The following UPK1B variants were observed in gnomAD, a reference collection of about 807,000 sequenced individuals.
UPK1B encodes uroplakin 1B.
A neutral mutation model predicts 34.2 loss-of-function variants in UPK1B; 28 were observed. The ratio of observed to expected loss-of-function variants is 0.82; its 90% CI spans 0.61 to 1.12. UPK1B has a LOEUF of 1.12. Ranked by LOEUF, UPK1B falls within the 50% of genes most tolerant of loss-of-function variation. UPK1B has a pLI of 0.00. For synonymous variants in UPK1B, 81 were observed against 110.4 expected, an observed-to-expected ratio of 0.73 and a Z score of 1.67; for missense variants, 325 against 320.9, an observed-to-expected ratio of 1.01 and a Z score of -0.10.
intron 5 of UPK1B, among the ~76,000 whole-genome samples, chr3:119,191,964 A>T (rs182702144): frequency 2.8e-4 from 43 of 152,194 alleles, no homozygotes; most frequent in Admixed American, 1.4e-3. Context: ...CATACTCCTG[A>T]TATCCCACCT....
In UPK1B at chr3:119,204,362, T is replaced by C. The variant is rs1196310706; in HGVS notation, c.*395T>C. 6 of 177,582 alleles carry C rather than the reference T, an allele frequency of 3.4e-5. No homozygotes were observed. Among genetic ancestry groups the C allele is most frequent in the Non-Finnish European group, 2.4e-5 (2 of 83,730 alleles). The allele number at this position is 177,582 out of a possible 1,614,324, so 11.0% of individuals were successfully genotyped here. The stretch of plus-strand genomic sequence containing the variant: ...TTATCTAAAAGAAACCTTCCAATGC[T>C]TCTGTTGATCTCAGTATTGTCAGGG... On this transcript the variant is annotated 3_prime_UTR_variant, in exon 8 of 8. Transcript: ENST00000264234.
In UPK1B at chr3:119,186,701, A is replaced by G. The variant is rs370015133; in HGVS notation, c.-28-13A>G. On this transcript the variant is annotated splice_polypyrimidine_tract_variant and intron_variant, in intron 1 of 7. Coordinates refer to ENST00000264234, the MANE Select transcript of UPK1B (RefSeq NM_006952.4). Reference sequence around the variant, plus strand: ...CAGAAACTGTAGCAGTTATTTGGTAATGCTTTCAACAGTGCCTTCAGCTTG... The same window carrying G: ...CAGAAACTGTAGCAGTTATTTGGTAGTGCTTTCAACAGTGCCTTCAGCTTG... 1.3e-3 allele frequency: 2,016 copies of G among 1,604,798 alleles called. 4 individuals are homozygous for G. Among genetic ancestry groups the G allele is most frequent in the Non-Finnish European group, 1.7e-3 (1,947 of 1,173,506 alleles).
chr3:119,196,754 G>A (rs1448902740), intron 6 of UPK1B, among the ~76,000 whole-genome samples: 1 of 151,878 alleles, frequency 6.6e-6, no homozygotes, highest in Non-Finnish European at 1.5e-5. Context: ...TGGCCAGGAT[G>A]GTCTCGATCT....
At chr3:119,182,251 G>T (rs2077992990) in intron 1 of UPK1B, among the ~76,000 whole-genome samples, 1 of 152,188 alleles carries the variant, frequency 6.6e-6, no homozygotes, top group African/African-American at 2.4e-5. Context: ...AGCAGCCCCT[G>T]TGCAGTGAAC....
At chr3:119,182,664 C>T (rs566701037) in intron 1 of UPK1B, among the ~76,000 whole-genome samples, 62 of 152,334 alleles carry the variant, frequency 4.1e-4, no homozygotes, top group African/African-American at 1.4e-3. Flanking sequence ...CACCATTATA[C>T]TACAGATATT....
rs368682621 is a variant in UPK1B, at chr3:119,199,100, G to C, written c.692G>C (p.Trp231Ser). Residue 231 changes from tryptophan (W) to serine (S), a missense_variant, in exon 7 of 8, where the codon TGG (tryptophan) becomes TCG (serine). Coordinates refer to ENST00000264234, the MANE Select transcript of UPK1B (RefSeq NM_006952.4). The part of the protein sequence containing the change: ...LISGPMNRHA[W>S]GVAWFGFAIL... ...TCTGGTCCAATGAACCGACACGCCTGGGGGGTTGCCTGGTTTGGATTTGCC... is the reference window on the plus strand; with the variant it reads ...TCTGGTCCAATGAACCGACACGCCTCGGGGGTTGCCTGGTTTGGATTTGCC... 102 of 1,614,050 alleles carry C rather than the reference G, an allele frequency of 6.3e-5. 1 individual carries two copies. Among genetic ancestry groups the C allele is most frequent in the Middle Eastern group, 4.9e-4 (3 of 6,062 alleles).
intron 1 of UPK1B, among the ~76,000 whole-genome samples, chr3:119,177,890 G>C (rs898646137): frequency 5.9e-5 from 9 of 152,208 alleles, no homozygotes; most frequent in African/African-American, 2.2e-4. Context: ...TCCCTGGAGA[G>C]CTATTTGCTA....
intron 7 of UPK1B, 51 bp from the exon 8 acceptor site, chr3:119,203,866 T>C (rs765834851): frequency 3.2e-6 from 5 of 1,570,906 alleles, no homozygotes; most frequent in Non-Finnish European, 2.6e-6. Context: ...AAGAATGAGA[T>C]GTTTCTAAAA....
At chr3:119,180,492 C>T (rs550753829) in intron 1 of UPK1B, among the ~76,000 whole-genome samples, 2 of 152,288 alleles carry the variant, frequency 1.3e-5, no homozygotes, top group South Asian at 4.1e-4. Flanking sequence ...CATTACAATA[C>T]TTCTTTATCA....
At chr3:119,180,296 CAA>C (rs1388045397) in intron 1 of UPK1B, among the ~76,000 whole-genome samples, 2 of 152,214 alleles carry the variant, frequency 1.3e-5, no homozygotes, top group African/African-American at 2.4e-5. Flanking sequence ...CTGCTTTACT[CAA>C]AGTCTACTGA....
At chr3:119,183,223 C>A (rs79993274) in intron 1 of UPK1B, among the ~76,000 whole-genome samples, 2,358 of 151,874 alleles carry the variant, frequency 0.016, 35 homozygotes, top group Middle Eastern at 0.045. Context: ...CACTTTCTAG[C>A]AATGTGGCCT....
Position 119,187,847 on chromosome 3 carries a change from G to A in UPK1B, c.142G>A (p.Glu48Lys), listed in dbSNP as rs763058460. 1 of 1,613,976 alleles carries A rather than the reference G, an allele frequency of 6.2e-7. No homozygotes were observed. Among genetic ancestry groups the A allele is most frequent in the Admixed American group, 1.7e-5 (1 of 59,980 alleles). The change falls in exon 3 of 8, where the codon GAA becomes AAA. Residue 48 changes from glutamate to lysine, a missense_variant. Physicochemically the swap from Glu to Lys is moderately conservative, Grantham distance 56. Transcript: ENST00000264234. ...CCAACACAGCCTCTACCCACTGCTT[G>A]AAGCCACCGACAACGATGACATCTA... is the stretch of plus-strand genomic sequence containing the variant. The part of the protein sequence containing the change: ...SDQHSLYPLL[E>K]ATDNDDIYGA...
chr3:119,187,835 T>C lies in UPK1B; in HGVS notation c.130T>C (p.Tyr44His), dbSNP rs775920749. The C allele has an allele frequency of 2.5e-6, 4 of 1,613,802 alleles. No homozygotes were observed. The African/African-American group carries it at 5.3e-5, about 22-fold the overall frequency. The change falls in exon 3 of 8, where the codon TAC (tyrosine) becomes CAC (histidine). Residue 44 changes from tyrosine (Y) to histidine (H), a missense_variant. Tyr to His is a moderately conservative substitution (Grantham distance 83). Transcript: ENST00000264234. ...IFFVSDQHSLYPLLEATDNDD... is the reference protein window; with the variant it reads ...IFFVSDQHSLHPLLEATDNDD... ...CTTTGTATCTGACCAACACAGCCTC[T>C]ACCCACTGCTTGAAGCCACCGACAA...
chr3:119,189,567 A>T (rs1057360451), intron 3 of UPK1B, among the ~76,000 whole-genome samples: 1 of 152,264 alleles, frequency 6.6e-6, no homozygotes, highest in African/African-American at 2.4e-5. Context: ...ATGCTCACGC[A>T]CACACACCAC....
chr3:119,179,279 A>C (rs1169104482), intron 1 of UPK1B, among the ~76,000 whole-genome samples: 1 of 144,616 alleles, frequency 6.9e-6, no homozygotes, highest in Non-Finnish European at 1.5e-5. Flanking sequence ...GTGAGATATG[A>C]TTGTGCCACT....
intron 1 of UPK1B, among the ~76,000 whole-genome samples, chr3:119,176,732 TC>T (rs1443496118): frequency 6.6e-6 from 1 of 152,168 alleles, no homozygotes; most frequent in Non-Finnish European, 1.5e-5. Flanking sequence ...ATGTAACTCA[TC>T]CCATTGGTTT....
chr3:119,195,206 G>A (rs1017544923), intron 6 of UPK1B, among the ~76,000 whole-genome samples: 2 of 149,760 alleles, frequency 1.3e-5, no homozygotes, highest in Non-Finnish European at 3.0e-5. Flanking sequence ...CTCTAAGCCA[G>A]TGAAGACTTG....
At chr3:119,181,998 AG>A (rs1402070962) in intron 1 of UPK1B, among the ~76,000 whole-genome samples, 1 of 152,252 alleles carries the variant, frequency 6.6e-6, no homozygotes, top group African/African-American at 2.4e-5. Context: ...TGTGGGGCAG[AG>A]GCCTTAGAGC....
intron 5 of UPK1B, among the ~76,000 whole-genome samples, chr3:119,193,613 AC>A (rs2107435038): frequency 6.6e-6 from 1 of 152,296 alleles, no homozygotes; most frequent in South Asian, 2.1e-4. Flanking sequence ...TAAAAATAAT[AC>A]CTAATTACTC....
Sources: allele counts gnomAD v4.1 joint callset (sites outside exome capture counted in the v4.1 genomes callset), GRCh38; gene constraint gnomAD v4.1.1; transcripts MANE v1.5; gene names NCBI Gene and HGNC (gene_info 2026-07-23, HGNC 2026-07-21).